Variants in EML6 observed in about 807,000 individuals in gnomAD.
EML6 encodes echinoderm microtubule-associated protein-like 6.
A neutral mutation model predicts 240.1 loss-of-function variants in EML6; 154 were observed. That is an observed-to-expected ratio of 0.64 (90% CI 0.56 to 0.73). The LOEUF (loss-of-function observed/expected upper bound fraction) is 0.73, where lower values mean the gene tolerates loss of function less well. Among genes scored for constraint, EML6 ranks in the 30% least tolerant of loss-of-function variants. EML6 has a pLI of 0.00. For synonymous variants in EML6, 1,148 were observed against 899.0 expected (o/e 1.28, Z -4.95); for missense variants, 2,964 against 2,474.6 (o/e 1.20, Z -4.20).
chr2:54,909,568 A>T (rs1673529405), intron 24 of EML6, among the ~76,000 whole-genome samples: 2 of 152,084 alleles, frequency 1.3e-5, no homozygotes, highest in African/African-American at 4.8e-5. Context: ...AGCTAGGCTG[A>T]GCATGGTGGC....
At chr2:54,786,340 A>G (rs1485693898) in intron 2 of EML6, among the ~76,000 whole-genome samples, 1 of 152,174 alleles carries the variant, frequency 6.6e-6, no homozygotes, top group East Asian at 1.9e-4. Context: ...CTGAGGTGTT[A>G]CAATTCTTGA....
At chr2:54,889,849 A>C (rs1235409061) in intron 17 of EML6, among the ~76,000 whole-genome samples, 2 of 152,232 alleles carry the variant, frequency 1.3e-5, no homozygotes, top group Non-Finnish European at 2.9e-5. Context: ...GAATGCCATT[A>C]AGTAACAGTC....
At chr2:54,816,197 G>T (rs1375815680) in intron 3 of EML6, among the ~76,000 whole-genome samples, 3 of 152,260 alleles carry the variant, frequency 2.0e-5, no homozygotes, top group East Asian at 3.9e-4. Context: ...AATCATGTGG[G>T]TTGCATTTTA....
At chr2:54,891,420 G>A (rs1273701997) in intron 18 of EML6, among the ~76,000 whole-genome samples, 1 of 152,146 alleles carries the variant, frequency 6.6e-6, no homozygotes, top group Non-Finnish European at 1.5e-5. Flanking sequence ...CATCTGTTCT[G>A]AAAGCAGTAA....
chr2:54,903,497 CTAGAGG>C lies in EML6; in HGVS notation c.3407_3409+3del. 1.3e-6 allele frequency: 2 copies of C among 1,547,474 alleles called. No homozygotes were observed. The highest frequency in any genetic ancestry group is 1.7e-6 in the Non-Finnish European group (2 of 1,145,682). On this transcript the variant is annotated splice_donor_variant and coding_sequence_variant, in exon 24 of 42. Coordinates refer to ENST00000356458, the MANE Select transcript of EML6 (RefSeq NM_001039753.4). LOFTEE classifies it high-confidence loss of function. ...TATATTACACACATTGACTGGGACT[CTAGAGG>C]TAAAGTATGTTGTGGCTTTTAAAAT...
Position 54,895,388 on chromosome 2 carries a change from A to G in EML6, c.2970A>G (p.Thr990=). 6.4e-7 allele frequency: 1 copy of G among 1,551,914 alleles called. No individual in the cohort carries two copies. Among genetic ancestry groups the G allele is most frequent in the Non-Finnish European group, 8.7e-7 (1 of 1,146,934 alleles). Residue 990 remains threonine (T), a synonymous_variant, in exon 21 of 42, where the codon ACA becomes ACG. Transcript: ENST00000356458. ...AAATTGATAAGAGTGGCCCAATGAC[A>G]CTGCTTGTTCAGGTACTGTTTGTAT... is the stretch of plus-strand genomic sequence containing the variant. ...ILEIDKSGPM[T]LLVQGHMEGE...
chr2:54,819,347 G>A (rs1162230262), intron 4 of EML6, among the ~76,000 whole-genome samples: 3 of 152,144 alleles, frequency 2.0e-5, no homozygotes, highest in Admixed American at 6.5e-5. Context: ...CTAAATGAGA[G>A]CATCTCAGAT....
At chr2:54,749,905 A>G (rs910384993) in intron 2 of EML6, among the ~76,000 whole-genome samples, 2 of 152,196 alleles carry the variant, frequency 1.3e-5, no homozygotes, top group African/African-American at 4.8e-5. Context: ...TTTAACATGA[A>G]CTCCCATCAC....
chr2:54,876,490 A>T (rs1425814399), intron 16 of EML6, among the ~76,000 whole-genome samples: 1 of 152,132 alleles, frequency 6.6e-6, no homozygotes, highest in African/African-American at 2.4e-5. Context: ...CCTAAAATAA[A>T]AGCTCACCTC....
At chr2:54,863,725 T>G in intron 12 of EML6, 58 bp from the exon 13 acceptor site, 1 of 814,282 alleles carries the variant, frequency 1.2e-6, no homozygotes, top group Non-Finnish European at 2.0e-6. Flanking sequence ...TTTAGATAAT[T>G]TCAGTTGCTC....
chr2:54,803,905 T>C (rs1021034064), intron 2 of EML6, among the ~76,000 whole-genome samples: 2 of 152,218 alleles, frequency 1.3e-5, no homozygotes, highest in African/African-American at 2.4e-5. Context: ...TCTGAGATGT[T>C]TGACAGAACA....
intron 5 of EML6, among the ~76,000 whole-genome samples, chr2:54,821,372 T>C (rs1295701957): frequency 6.6e-6 from 1 of 152,138 alleles, no homozygotes; most frequent in African/African-American, 2.4e-5. Context: ...GTTACAAAAC[T>C]CTGCAGAAGA....
At chr2:54,933,640 A>T (rs1164497027) in intron 28 of EML6, among the ~76,000 whole-genome samples, 3 of 152,032 alleles carry the variant, frequency 2.0e-5, no homozygotes, top group Non-Finnish European at 4.4e-5. Context: ...AGGCTGAGGC[A>T]CCAATCGCTT....
rs1164211365 is a variant in EML6 at position 54,962,544 on chromosome 2, A to G, written c.4990A>G (p.Lys1664Glu). 6.5e-7 allele frequency: 1 copy of G among 1,547,690 alleles called. No individual in the cohort carries two copies. Among genetic ancestry groups the G allele is most frequent in the Non-Finnish European group, 8.7e-7 (1 of 1,145,236 alleles). ...ACAGGGAAAAATCTTAGTGGGAACC[A>G]AAGACGGAGAAATAATTGAAGTTGG... ...RGKGKILVGT[K>E]DGEIIEVGEK... The change falls in exon 36 of 42, where the codon AAA becomes GAA. Residue 1664 changes from lysine (K) to glutamate (E), a missense_variant. Coordinates refer to ENST00000356458, the MANE Select transcript of EML6 (RefSeq NM_001039753.4).
At chr2:54,886,387 T>TA (rs1272323824) in intron 17 of EML6, among the ~76,000 whole-genome samples, 6 of 151,942 alleles carry the variant, frequency 3.9e-5, no homozygotes, top group Non-Finnish European at 5.9e-5. Flanking sequence ...GGCTGGTCTC[T>TA]AACTCCTGAC....
At chr2:54,892,703 A>T in intron 19 of EML6, 47 bp downstream of exon 19, 2 of 1,454,292 alleles carry the variant, frequency 1.4e-6, no homozygotes, top group African/African-American at 1.4e-5. Flanking sequence ...GCCTTCTAAA[A>T]TTATAAGGTA....
intron 9 of EML6, among the ~76,000 whole-genome samples, chr2:54,849,634 G>A (rs1476979602): frequency 2.6e-5 from 4 of 152,196 alleles, no homozygotes; most frequent in Admixed American, 2.0e-4. Flanking sequence ...GACTACAGGC[G>A]CCTGCCACCA....
At chr2:54,792,753 T>C (rs905876487) in intron 2 of EML6, among the ~76,000 whole-genome samples, 1 of 152,206 alleles carries the variant, frequency 6.6e-6, no homozygotes, top group African/African-American at 2.4e-5. Context: ...ATGGGCACTT[T>C]GGGATAAAAT....
At chr2:54,808,983 T>A (rs1020591572) in intron 2 of EML6, among the ~76,000 whole-genome samples, 1 of 152,186 alleles carries the variant, frequency 6.6e-6, no homozygotes, top group South Asian at 2.1e-4. Flanking sequence ...AAAAAACAGT[T>A]CTTTCAAAAC....
Sources: gnomAD v4.1 joint callset for allele counts (sites outside exome capture counted in the v4.1 genomes callset) on GRCh38, gnomAD v4.1.1 for gene constraint, MANE v1.5 for transcripts, NCBI Gene and HGNC (gene_info 2026-07-23, HGNC 2026-07-21) for gene names.